PTPRD: variants seen among roughly 807,000 people sequenced by gnomAD.
PTPRD encodes the protein protein tyrosine phosphatase receptor type D, also known as receptor-type tyrosine-protein phosphatase delta.
Under a neutral mutation model 214.5 loss-of-function variants are expected in PTPRD, and 34 were observed. The observed-to-expected ratio is 0.16, with a 90% CI of 0.12 to 0.21. The LOEUF (loss-of-function observed/expected upper bound fraction) is 0.21. PTPRD is among the 10% of genes least tolerant of loss of function. The pLI, the probability that PTPRD is intolerant of heterozygous loss-of-function variation, is 1.00. For missense variants in PTPRD, 2,545 were observed against 2,398.7 expected, an observed-to-expected ratio of 1.06 and a Z score of -1.27; for synonymous variants, 1,128 against 845.7, an observed-to-expected ratio of 1.33 and a Z score of -5.79.
intron 14 of PTPRD, among the ~76,000 whole-genome samples, chr9:8,574,771 T>C (rs1374333258): frequency 6.6e-6 from 1 of 152,074 alleles, no homozygotes; most frequent in African/African-American, 2.4e-5. Context: ...ACTCAATTAA[T>C]TGCTTAGTTA....
At chr9:8,318,104 A>T (rs947395427) in intron 45 of PTPRD, among the ~76,000 whole-genome samples, 162 bp from the exon 46 acceptor site, 1 of 152,088 alleles carries the variant, frequency 6.6e-6, no homozygotes, top group African/African-American at 2.4e-5. Context: ...TTTATAGTGA[A>T]CAAAGAAAAA....
chr9:9,594,798 C>G (rs1376622502), intron 7 of PTPRD, among the ~76,000 whole-genome samples: 1 of 152,008 alleles, frequency 6.6e-6, no homozygotes, highest in Non-Finnish European at 1.5e-5. Context: ...AACAGACAAC[C>G]CACAGAGTGG....
At chr9:9,929,508 C>G (rs985246562) in intron 5 of PTPRD, among the ~76,000 whole-genome samples, 17 of 152,282 alleles carry the variant, frequency 1.1e-4, no homozygotes, top group African/African-American at 4.1e-4. Context: ...ATTCTTCTGC[C>G]TCAGCCTCCC....
chr9:10,597,502 C>A (rs898059803), intron 2 of PTPRD, among the ~76,000 whole-genome samples: 2 of 151,652 alleles, frequency 1.3e-5, no homozygotes, highest in African/African-American at 2.4e-5. Context: ...TAGTAGAAAT[C>A]AAAAAATGCA....
At chr9:10,526,285 A>T (rs1314651975) in intron 2 of PTPRD, among the ~76,000 whole-genome samples, 3 of 152,144 alleles carry the variant, frequency 2.0e-5, no homozygotes, top group Non-Finnish European at 2.9e-5. Context: ...TCTTTCTGAC[A>T]ATAATTTCTT....
chr9:8,405,475 G>A (rs1270934215), intron 35 of PTPRD, among the ~76,000 whole-genome samples: 1 of 151,704 alleles, frequency 6.6e-6, no homozygotes. Context: ...CATCAAACAG[G>A]TATATAAAGT....
chr9:9,486,150 CAAAAAAAAAAAAAAA>C (rs71319226), intron 8 of PTPRD, among the ~76,000 whole-genome samples: 99 of 30,162 alleles, frequency 3.3e-3, no homozygotes, highest in Non-Finnish European at 4.1e-3. Context: ...GACTCTCTCT[CAAAAAAAAAAAAAAA>C]AAAAAAAAAA....
intron 11 of PTPRD, among the ~76,000 whole-genome samples, chr9:8,810,719 G>A (rs1022918571): frequency 6.6e-6 from 1 of 152,206 alleles, no homozygotes; most frequent in African/African-American, 2.4e-5. Flanking sequence ...TACCCTGAAA[G>A]TGGAGCCTGA....
chr9:10,298,562 A>C (rs2095758931), intron 3 of PTPRD, among the ~76,000 whole-genome samples: 1 of 152,146 alleles, frequency 6.6e-6, no homozygotes, highest in African/African-American at 2.4e-5. Flanking sequence ...ATTCTCAGAC[A>C]AAAATATTTA....
chr9:9,342,720 T>A (rs1023998012), intron 9 of PTPRD, among the ~76,000 whole-genome samples: 2 of 143,668 alleles, frequency 1.4e-5, no homozygotes, highest in Non-Finnish European at 3.0e-5. Flanking sequence ...TTTTTTTTTT[T>A]ATTATTATAC....
At chr9:9,265,670 T>A (rs1021098830) in intron 9 of PTPRD, among the ~76,000 whole-genome samples, 1 of 151,506 alleles carries the variant, frequency 6.6e-6, no homozygotes. Context: ...TCCTATTTTT[T>A]ATGTAAGCCT....
intron 11 of PTPRD, among the ~76,000 whole-genome samples, chr9:9,009,957 G>A (rs1247667685): frequency 6.6e-6 from 1 of 152,032 alleles, no homozygotes; most frequent in African/African-American, 2.4e-5. Context: ...TTTTTGCTCC[G>A]TACAGTTCTC....
At chr9:10,577,069 C>A (rs939480735) in intron 2 of PTPRD, among the ~76,000 whole-genome samples, 3 of 151,162 alleles carry the variant, frequency 2.0e-5, no homozygotes, top group Admixed American at 1.3e-4. Context: ...ATGTAGAAAG[C>A]CAATCCTTTT....
At chr9:10,315,299 T>A (rs2096391551) in intron 3 of PTPRD, among the ~76,000 whole-genome samples, 1 of 151,918 alleles carries the variant, frequency 6.6e-6, no homozygotes, top group African/African-American at 2.4e-5. Flanking sequence ...TATGCCTACC[T>A]ATAAAATATG....
At chr9:10,514,075 C>A (rs981625046) in intron 2 of PTPRD, among the ~76,000 whole-genome samples, 22 of 152,042 alleles carry the variant, frequency 1.4e-4, no homozygotes, top group African/African-American at 5.1e-4. Flanking sequence ...GCTAACAAAT[C>A]CAATCTACAT....
intron 7 of PTPRD, among the ~76,000 whole-genome samples, chr9:9,632,767 C>G (rs985100954): frequency 6.6e-6 from 1 of 152,026 alleles, no homozygotes; most frequent in Non-Finnish European, 1.5e-5. Flanking sequence ...GGGACAGTTA[C>G]ATAGGTATAA....
intron 3 of PTPRD, among the ~76,000 whole-genome samples, chr9:10,195,866 C>T (rs2099396011): frequency 6.6e-6 from 1 of 152,004 alleles, no homozygotes; most frequent in African/African-American, 2.4e-5. Flanking sequence ...GGATGAATTA[C>T]AAAACACTAT....
intron 8 of PTPRD, among the ~76,000 whole-genome samples, chr9:9,480,030 T>C (rs1411790463): frequency 6.6e-6 from 1 of 152,184 alleles, no homozygotes; most frequent in African/African-American, 2.4e-5. Context: ...TAAAGTTTGA[T>C]GGCAAAATAT....
intron 3 of PTPRD, among the ~76,000 whole-genome samples, chr9:10,062,006 C>T (rs1252195378): frequency 6.6e-6 from 1 of 150,932 alleles, no homozygotes; most frequent in Non-Finnish European, 1.5e-5. Context: ...GGGATTATAA[C>T]GCACACTAGA....
Sources: gnomAD v4.1 joint callset for allele counts (sites outside exome capture counted in the v4.1 genomes callset) on GRCh38, gnomAD v4.1.1 for gene constraint, MANE v1.5 for transcripts, NCBI Gene and HGNC (gene_info 2026-07-23, HGNC 2026-07-21) for gene names.